Variants in TET2 observed in about 807,000 individuals in gnomAD.
The protein encoded by TET2 is methylcytosine dioxygenase TET2.
In TET2, 299 loss-of-function variants were observed where a neutral mutation model predicts 142.9. That is an observed-to-expected ratio of 2.09 (90% confidence interval 1.90 to 2.30). TET2 has a LOEUF of 2.30. TET2 is among the 30% of genes most tolerant of loss of function. The pLI is 0.00. For missense variants in TET2, 2,418 were observed against 2,378.0 expected (o/e 1.02, Z -0.35); for synonymous variants, 819 against 849.0 (o/e 0.96, Z 0.61).
intron 8 of TET2, among the ~76,000 whole-genome samples, chr4:105,264,367 GTC>G (rs1730591232): frequency 1.3e-5 from 2 of 152,120 alleles, no homozygotes; most frequent in South Asian, 2.1e-4. Context: ...AAATGAATGA[GTC>G]TATGTTGCTA....
intron 6 of TET2, among the ~76,000 whole-genome samples, chr4:105,248,392 A>T (rs150244219): frequency 1.3e-5 from 2 of 152,332 alleles, no homozygotes; most frequent in African/African-American, 4.8e-5. Flanking sequence ...TTTTTACTTT[A>T]AAAATATTTT....
intron 6 of TET2, among the ~76,000 whole-genome samples, chr4:105,257,271 A>C (rs935866161): frequency 6.6e-6 from 1 of 152,180 alleles, no homozygotes; most frequent in Non-Finnish European, 1.5e-5. Flanking sequence ...CTGTCTCTAC[A>C]AAAATAAAAA....
In TET2 at chr4:105,259,771, T is replaced by G. The variant is rs1453803227; in HGVS notation, c.3954+2T>G. On this transcript the variant is annotated splice_donor_variant, in intron 7 of 10. Transcript: ENST00000380013. LOFTEE classifies it high-confidence loss of function. ...CTGCTTGGGGATGACCCAAAAGAGGTTTGTTTACTTCCTGATGTATAATCG... is the reference window on the plus strand; with the variant it reads ...CTGCTTGGGGATGACCCAAAAGAGGGTTGTTTACTTCCTGATGTATAATCG... The G allele has an allele frequency of 1.3e-6, 2 of 1,549,630 alleles. No individual in the cohort carries two copies. Among genetic ancestry groups the G allele is most frequent in the Non-Finnish European group, 8.7e-7 (1 of 1,145,880 alleles).
intron 2 of TET2, among the ~76,000 whole-genome samples, chr4:105,230,375 AGT>A (rs1728438007): frequency 6.6e-6 from 1 of 152,162 alleles, no homozygotes; most frequent in African/African-American, 2.4e-5. Flanking sequence ...GGTCAAGGAA[AGT>A]GTTTCTGAAA....
In TET2 at chr4:105,277,007, CTT is replaced by C. The variant is rs930533517; in HGVS notation, c.*492_*493del. On this transcript the variant is annotated 3_prime_UTR_variant, in exon 11 of 11. Coordinates refer to ENST00000380013, the MANE Select transcript of TET2 (RefSeq NM_001127208.3). ...ATGTACTGAAATACTGGAATTATGGCTTTTTGAAATGCAGTTTTTACTGTAAT... is the reference window on the plus strand; with the variant it reads ...ATGTACTGAAATACTGGAATTATGGCTTTGAAATGCAGTTTTTACTGTAAT... 8.6e-6 allele frequency: 2 copies of C among 233,142 alleles called. No homozygotes were observed. Among genetic ancestry groups the C allele is most frequent in the African/African-American group, 4.4e-5 (2 of 45,290 alleles). The allele number at this position is 233,142 out of a possible 1,614,324, so 14.4% of individuals were successfully genotyped here. A position where few individuals can be genotyped will look rare whatever the true frequency, so the allele number is the denominator to read the frequency against.
chr4:105,199,624 G>C (rs12499227), intron 2 of TET2, among the ~76,000 whole-genome samples: 10,335 of 152,192 alleles, frequency 0.068, 457 homozygotes, highest in Non-Finnish European at 0.1. Context: ...TTGTTGTACA[G>C]GTTATTTCAT....
chr4:105,217,133 T>C (rs764810860), intron 2 of TET2, among the ~76,000 whole-genome samples: 3 of 152,020 alleles, frequency 2.0e-5, no homozygotes, highest in Non-Finnish European at 4.4e-5. Flanking sequence ...AACCAAATTA[T>C]ATCCTATGAA....
At chr4:105,173,495 T>C (rs1367386049) in intron 1 of TET2, among the ~76,000 whole-genome samples, 2 of 152,138 alleles carry the variant, frequency 1.3e-5, no homozygotes, top group East Asian at 3.9e-4. Flanking sequence ...ATTGCACCAC[T>C]GCACTCCAGC....
rs777885189 is a variant in TET2 at position 105,236,072 on chromosome 4, T to C, written c.2130T>C (p.Thr710=). ...ACTTGAATCAACAGGCTTCAGAGAC[T>C]GAGCCATTTTCAAACTCACACCTTT... ...KQHLNQQASE[T]EPFSNSHLLQ... Residue 710 remains threonine (T), a synonymous_variant, in exon 3 of 11, where the codon ACT becomes ACC. Coordinates refer to ENST00000380013, the MANE Select transcript of TET2 (RefSeq NM_001127208.3). The C allele has an allele frequency of 1.2e-6, 2 of 1,614,144 alleles. No individual in the cohort carries two copies. The highest frequency in any genetic ancestry group is 1.3e-5 in the African/African-American group (1 of 75,036).
chr4:105,210,382 A>G (rs1484784450), intron 2 of TET2, among the ~76,000 whole-genome samples: 4 of 152,032 alleles, frequency 2.6e-5, no homozygotes, highest in Non-Finnish European at 5.9e-5. Flanking sequence ...TAAGGCCCCA[A>G]TCTCAGGCTG....
intron 2 of TET2, among the ~76,000 whole-genome samples, chr4:105,230,535 A>C (rs1204894073): frequency 6.6e-6 from 1 of 152,202 alleles, no homozygotes; most frequent in African/African-American, 2.4e-5. Flanking sequence ...ATTGGAGAAG[A>C]GAAAAAAACT....
chr4:105,240,609 A>G, intron 3 of TET2: 1 of 1,079,872 alleles, frequency 9.3e-7, no homozygotes, highest in Non-Finnish European at 1.1e-6. Flanking sequence ...GTGGTTATTA[A>G]GTTGCCTCAC....
intron 2 of TET2, among the ~76,000 whole-genome samples, chr4:105,219,309 G>T (rs1366474656): frequency 6.6e-6 from 1 of 152,064 alleles, no homozygotes; most frequent in Non-Finnish European, 1.5e-5. Flanking sequence ...TGACCAGATT[G>T]TTATGGTAAC....
At chr4:105,255,318 A>T (rs955724811) in intron 6 of TET2, among the ~76,000 whole-genome samples, 5 of 152,086 alleles carry the variant, frequency 3.3e-5, no homozygotes, top group African/African-American at 1.2e-4. Context: ...TTTGCTTGTT[A>T]TTCATGTATA....
At chr4:105,242,789 C>T (rs993578357) in intron 4 of TET2, 45 bp from the exon 5 acceptor site, 2 of 1,530,958 alleles carry the variant, frequency 1.3e-6, no homozygotes, top group Non-Finnish European at 1.8e-6. Context: ...CTCTTGAATT[C>T]ATTTGCTAAT....
Position 105,276,174 on chromosome 4 carries a change from T to C in TET2, c.5664T>C (p.Asn1888=). The C allele has an allele frequency of 6.4e-7, 1 of 1,551,266 alleles. No individual in the cohort carries two copies. The highest frequency in any genetic ancestry group is 8.7e-7 in the Non-Finnish European group (1 of 1,146,890). ...TGCATGCCACAACCCCTTTAAAGAA[T>C]CCCAATAGGAATCACCCCACCAGGA... ...RELHATTPLK[N]PNRNHPTRIS... is the part of the protein sequence containing the mutation. Residue 1888 remains asparagine (N), a synonymous_variant, in exon 11 of 11, where the codon AAT becomes AAC. Transcript: ENST00000380013.
chr4:105,157,158 A>G lies in TET2; in HGVS notation c.-193+10179A>G, dbSNP rs138264829. Among the ~76,000 whole-genome samples, 426 of 151,462 alleles carry G rather than the reference A, an allele frequency of 2.8e-3. 2 individuals are homozygous for G. The highest frequency in any genetic ancestry group is 0.019 in the South Asian group (90 of 4,816). ...GTGTCTGATAGTTCATCAAATCAGA[A>G]TGAGCATCTTAAAAAGTGAATTATT... On this transcript the variant is annotated intron_variant, in intron 1 of 10. Transcript: ENST00000380013.
chr4:105,158,024 G>C (rs552739950), intron 1 of TET2, among the ~76,000 whole-genome samples: 1 of 152,212 alleles, frequency 6.6e-6, no homozygotes, highest in East Asian at 1.9e-4. Flanking sequence ...CTTATTTACT[G>C]TTAAAAAATG....
chr4:105,196,436 T>C (rs186491764), intron 2 of TET2, among the ~76,000 whole-genome samples: 1 of 152,262 alleles, frequency 6.6e-6, no homozygotes, highest in Admixed American at 6.5e-5. Context: ...CCTGAATAGC[T>C]CTGTGAACCC....
Sources: gnomAD v4.1 joint callset for allele counts (sites outside exome capture counted in the v4.1 genomes callset) on GRCh38, gnomAD v4.1.1 for gene constraint, MANE v1.5 for transcripts, NCBI Gene and HGNC (gene_info 2026-07-23, HGNC 2026-07-21) for gene names.